AGBL4: variants seen among roughly 807,000 people sequenced by gnomAD.
AGBL4 encodes the protein cytosolic carboxypeptidase 6.
A neutral mutation model predicts 66.4 loss-of-function variants in AGBL4; 58 were observed. The observed-to-expected ratio is 0.87, with a 90% CI of 0.71 to 1.09. AGBL4 has a LOEUF of 1.09. Ranked by LOEUF, AGBL4 falls within the 50% of genes least tolerant of loss-of-function variation. The pLI, the probability that AGBL4 is intolerant of heterozygous loss-of-function variation, is 0.00. For synonymous variants in AGBL4, 234 were observed against 222.9 expected, an observed-to-expected ratio of 1.05 and a Z score of -0.44; for missense variants, 579 against 631.0, an observed-to-expected ratio of 0.92 and a Z score of 0.88.
chr1:49,552,098 T>C (rs1653004500), intron 3 of AGBL4, among the ~76,000 whole-genome samples: 1 of 152,116 alleles, frequency 6.6e-6, no homozygotes, highest in African/African-American at 2.4e-5. Context: ...AAGCCAGTAG[T>C]CACAGGCTTC....
At chr1:49,761,165 T>C (rs1293217527) in intron 2 of AGBL4, among the ~76,000 whole-genome samples, 1 of 151,210 alleles carries the variant, frequency 6.6e-6, no homozygotes, top group South Asian at 2.1e-4. Flanking sequence ...TTCTAAAAAA[T>C]GGTTAATTTT....
intron 6 of AGBL4, among the ~76,000 whole-genome samples, chr1:48,833,533 G>A (rs1178318880): frequency 6.6e-6 from 1 of 152,168 alleles, no homozygotes; most frequent in Non-Finnish European, 1.5e-5. Flanking sequence ...TAAAGATTTG[G>A]AAAATTCTCA....
intron 4 of AGBL4, among the ~76,000 whole-genome samples, chr1:49,125,032 G>A (rs1170053340): frequency 6.6e-6 from 1 of 152,012 alleles, no homozygotes. Context: ...AGATTTGAAA[G>A]GGAAACATTT....
At chr1:48,992,904 G>A (rs1176964103) in intron 5 of AGBL4, among the ~76,000 whole-genome samples, 1 of 152,142 alleles carries the variant, frequency 6.6e-6, no homozygotes, top group African/African-American at 2.4e-5. Context: ...GCCCAGGGCA[G>A]GTCTAGAAAT....
At chr1:48,897,783 T>C (rs941228696) in intron 5 of AGBL4, among the ~76,000 whole-genome samples, 1 of 151,372 alleles carries the variant, frequency 6.6e-6, no homozygotes, top group Non-Finnish European at 1.5e-5. Flanking sequence ...CTTTAAGAAA[T>C]GTCTGTTCGG....
intron 6 of AGBL4, among the ~76,000 whole-genome samples, chr1:48,849,222 C>T (rs1646981230): frequency 2.0e-5 from 3 of 152,236 alleles, no homozygotes; most frequent in Non-Finnish European, 4.4e-5. Context: ...TTCTAAGCCC[C>T]TGCTATGTGC....
intron 9 of AGBL4, among the ~76,000 whole-genome samples, chr1:48,620,903 A>G (rs1238657717): frequency 2.6e-5 from 4 of 152,204 alleles, no homozygotes; most frequent in South Asian, 2.1e-4. Flanking sequence ...AGATAGGGCT[A>G]TGGAGGCTCA....
At chr1:48,798,566 T>C (rs535132280) in intron 6 of AGBL4, among the ~76,000 whole-genome samples, 1 of 152,214 alleles carries the variant, frequency 6.6e-6, no homozygotes, top group Non-Finnish European at 1.5e-5. Flanking sequence ...TTTGCTTTCC[T>C]GATCATGAAC....
At chr1:48,809,566 G>C (rs1469657847) in intron 6 of AGBL4, among the ~76,000 whole-genome samples, 1 of 152,148 alleles carries the variant, frequency 6.6e-6, no homozygotes, top group Non-Finnish European at 1.5e-5. Context: ...GAGACATCTA[G>C]AAAAAACTGA....
chr1:48,669,243 A>G (rs541080688), intron 6 of AGBL4, among the ~76,000 whole-genome samples: 2 of 152,346 alleles, frequency 1.3e-5, no homozygotes, highest in South Asian at 4.1e-4. Context: ...CACAAGACAA[A>G]CAATAAGCAA....
intron 3 of AGBL4, among the ~76,000 whole-genome samples, chr1:49,614,250 T>G (rs560863070): frequency 1.3e-5 from 2 of 152,188 alleles, no homozygotes; most frequent in African/African-American, 4.8e-5. Flanking sequence ...ATCCTGAATT[T>G]TAATACTATA....
chr1:48,812,381 A>G (rs1646071895), intron 6 of AGBL4, among the ~76,000 whole-genome samples: 1 of 152,192 alleles, frequency 6.6e-6, no homozygotes, highest in Admixed American at 6.5e-5. Context: ...TTAATTCACA[A>G]TAAGGACTCT....
intron 3 of AGBL4, among the ~76,000 whole-genome samples, chr1:49,485,399 T>G (rs993153867): frequency 2.0e-4 from 27 of 136,068 alleles, no homozygotes; most frequent in African/African-American, 7.6e-4. Context: ...TAGGTGGGAA[T>G]TGAACAATGA....
chr1:49,109,411 A>G (rs1315914537), intron 4 of AGBL4, among the ~76,000 whole-genome samples: 1 of 152,138 alleles, frequency 6.6e-6, no homozygotes, highest in Non-Finnish European at 1.5e-5. Context: ...TCCCTCTGGC[A>G]TCTATCTTGA....
intron 6 of AGBL4, among the ~76,000 whole-genome samples, chr1:48,694,003 C>T (rs889650756): frequency 3.3e-5 from 5 of 150,462 alleles, no homozygotes; most frequent in Admixed American, 6.6e-5. Context: ...TCTTACGTTC[C>T]GCCTTTGTAC....
At chr1:49,847,700 A>C (rs977882110) in intron 2 of AGBL4, among the ~76,000 whole-genome samples, 1 of 151,956 alleles carries the variant, frequency 6.6e-6, no homozygotes, top group Non-Finnish European at 1.5e-5. Flanking sequence ...ATGGCAAATA[A>C]ACTTGTTTTT....
intron 5 of AGBL4, among the ~76,000 whole-genome samples, chr1:49,015,654 G>A (rs554981095): frequency 7.6e-4 from 115 of 151,826 alleles, no homozygotes; most frequent in African/African-American, 2.8e-3. Flanking sequence ...TCGATCTCCT[G>A]ACCTCGTGAT....
At chr1:48,942,321 G>A (rs1030348355) in intron 5 of AGBL4, among the ~76,000 whole-genome samples, 1 of 145,164 alleles carries the variant, frequency 6.9e-6, no homozygotes, top group Non-Finnish European at 1.6e-5. Context: ...GGGGGGGGGG[G>A]GTTGTGGTAA....
chr1:48,536,291 G>A (rs1643969700), intron 12 of AGBL4, among the ~76,000 whole-genome samples: 1 of 152,162 alleles, frequency 6.6e-6, no homozygotes, highest in African/African-American at 2.4e-5. Flanking sequence ...GGCACGAGGT[G>A]ACAGAAATCA....
Sources: gnomAD v4.1 joint callset for allele counts (sites outside exome capture counted in the v4.1 genomes callset) on GRCh38, gnomAD v4.1.1 for gene constraint, MANE v1.5 for transcripts, NCBI Gene and HGNC (gene_info 2026-07-23, HGNC 2026-07-21) for gene names.